The following KLF8 variants were observed in gnomAD, a reference collection of about 807,000 sequenced individuals.
KLF8 encodes Krueppel-like factor 8.
Under a neutral mutation model 18.2 loss-of-function variants are expected in KLF8, and 10 were observed. The ratio of observed to expected loss-of-function variants is 0.55; its 90% CI spans 0.34 to 0.93. The LOEUF (loss-of-function observed/expected upper bound fraction) is 0.93. Ranked by LOEUF, KLF8 falls within the 40% of genes least tolerant of loss-of-function variation. The pLI, the probability that KLF8 is intolerant of heterozygous loss-of-function variation, is 0.02. For missense variants in KLF8, 264 were observed against 277.9 expected (o/e 0.95, Z 0.36); for synonymous variants, 109 against 97.3 (o/e 1.12, Z -0.71).
the KLF8 span, among the ~76,000 whole-genome samples, chrX:56,101,126 T>A: frequency 1.8e-5 from 2 of 111,183 alleles, no homozygotes; most frequent in Non-Finnish European, 3.8e-5. Context: ...TCTCCCATAC[T>A]TTTTCCTCTA....
the KLF8 span, among the ~76,000 whole-genome samples, chrX:55,922,918 C>T: frequency 9.0e-5 from 10 of 111,679 alleles, no homozygotes; most frequent in East Asian, 2.8e-4. Flanking sequence ...GACAGTGTGG[C>T]GATTCCTCAA....
chrX:56,128,432 A>G, the KLF8 span, among the ~76,000 whole-genome samples: 2 of 111,952 alleles, frequency 1.8e-5, no homozygotes, highest in Non-Finnish European at 3.8e-5. Context: ...AATTGTGAAT[A>G]TATCCTTTCG....
At chrX:56,201,153 G>T in the KLF8 span, among the ~76,000 whole-genome samples, 1 of 111,901 alleles carries the variant, frequency 8.9e-6, no homozygotes, top group African/African-American at 3.2e-5. Context: ...AAGAGTATTT[G>T]TATTTCAATG....
intron 1 of KLF8, among the ~76,000 whole-genome samples, chrX:56,240,708 T>C (rs770175518): frequency 1.7e-4 from 19 of 111,482 alleles, no homozygotes; most frequent in Admixed American, 6.7e-4. Context: ...TATTTCAAAG[T>C]ACAGGGTAGT....
the KLF8 span, among the ~76,000 whole-genome samples, chrX:55,965,594 T>C: frequency 8.9e-6 from 1 of 112,078 alleles, no homozygotes; most frequent in South Asian, 3.7e-4. Flanking sequence ...GAAGTCAAAC[T>C]ATTTCTCTTC....
At chrX:56,022,920 A>G in the KLF8 span, among the ~76,000 whole-genome samples, 1 of 111,303 alleles carries the variant, frequency 9.0e-6, no homozygotes, top group Admixed American at 9.6e-5. Context: ...AAAATTATGT[A>G]TATATATATA....
At chrX:55,966,126 G>T in the KLF8 span, among the ~76,000 whole-genome samples, 1 of 112,520 alleles carries the variant, frequency 8.9e-6, no homozygotes. Flanking sequence ...GTAGAAAACA[G>T]TACCAGTTAG....
chrX:56,194,836 C>T, the KLF8 span, among the ~76,000 whole-genome samples: 1 of 112,009 alleles, frequency 8.9e-6, no homozygotes, highest in Non-Finnish European at 1.9e-5. Flanking sequence ...TAGGCAGCTA[C>T]CCCTCTGGGA....
At chrX:56,093,224 C>CA in the KLF8 span, among the ~76,000 whole-genome samples, 1 of 110,821 alleles carries the variant, frequency 9.0e-6, no homozygotes, top group Non-Finnish European at 1.9e-5. Flanking sequence ...GGATAAATAT[C>CA]AAAAAATCTA....
At chrX:56,003,914 T>C in the KLF8 span, among the ~76,000 whole-genome samples, 2 of 112,619 alleles carry the variant, frequency 1.8e-5, no homozygotes, top group Non-Finnish European at 3.7e-5. Flanking sequence ...TCTTATGTTA[T>C]TCACCAACTT....
At position 56,243,145 on chromosome X, in the gene KLF8, C is replaced by T. The variant is rs142032156; in HGVS notation, c.8-7086C>T. ...GTGTGCTGTTGTCTCCTATCTTCTT[C>T]ATGGCCGACACAGTGGTCAGCGGAA... On this transcript the variant is annotated intron_variant, in intron 1 of 5. Coordinates refer to ENST00000468660, the MANE Select transcript of KLF8 (RefSeq NM_007250.5). The T allele has an allele frequency of 1.9e-3, 988 of 518,388 alleles. 9 individuals carry two copies. The East Asian group carries it at 0.032, about 17-fold the overall frequency. 42.7% of individuals were successfully genotyped at this position (518,388 alleles called of 1,213,427 possible).
At chrX:56,171,324 T>A in the KLF8 span, among the ~76,000 whole-genome samples, 4 of 112,093 alleles carry the variant, frequency 3.6e-5, no homozygotes, top group Non-Finnish European at 7.5e-5. Context: ...TATTTTCTTT[T>A]TATGAAAACA....
At chrX:56,153,294 G>C in the KLF8 span, among the ~76,000 whole-genome samples, 6 of 109,976 alleles carry the variant, frequency 5.5e-5, no homozygotes, top group African/African-American at 9.9e-5. Context: ...TCCAGAGTTT[G>C]AAATGAGCTA....
chrX:56,233,027 T>C lies in KLF8; in HGVS notation c.-308T>C. On this transcript the variant is annotated 5_prime_UTR_variant, in exon 1 of 6. Transcript: ENST00000468660. ...AAGCTGCAGGGGGGAGGATTCTTTT[T>C]AGGAAGTCTACTCTGCCGGCCCCTG... The C allele has an allele frequency of 3.0e-6, 1 of 338,411 alleles. No individual in the cohort carries two copies. Among genetic ancestry groups the C allele is most frequent in the Non-Finnish European group, 5.3e-6 (1 of 190,405 alleles). 27.9% of individuals were successfully genotyped at this position (338,411 alleles called of 1,213,427 possible).
At chrX:56,142,853 GA>G in the KLF8 span, among the ~76,000 whole-genome samples, 2 of 111,779 alleles carry the variant, frequency 1.8e-5, no homozygotes, top group Non-Finnish European at 3.8e-5. Context: ...TCTGCCTTTG[GA>G]ACATGATCTC....
At chrX:56,040,241 G>T in the KLF8 span, among the ~76,000 whole-genome samples, 1 of 111,223 alleles carries the variant, frequency 9.0e-6, no homozygotes, top group Non-Finnish European at 1.9e-5. Context: ...GATTGCTCTG[G>T]CCAGAACTTC....
At chrX:55,961,772 G>A in the KLF8 span, 2 of 316,753 alleles carry the variant, frequency 6.3e-6, no homozygotes, top group South Asian at 7.2e-5. Context: ...GACTTCACAG[G>A]TCGTATGGAG....
At chrX:55,962,512 CT>C in the KLF8 span, 1 of 187,727 alleles carries the variant, frequency 5.3e-6, no homozygotes, top group Non-Finnish European at 1.0e-5. Flanking sequence ...CAGAAACAAC[CT>C]TTCTGTCTTC....
At chrX:56,021,066 C>T in the KLF8 span, among the ~76,000 whole-genome samples, 7 of 112,449 alleles carry the variant, frequency 6.2e-5, no homozygotes, top group African/African-American at 1.9e-4. Context: ...ATGCACAGCT[C>T]AGCAAGTTTT....
Sources: gnomAD v4.1 joint callset for allele counts (sites outside exome capture counted in the v4.1 genomes callset) on GRCh38, gnomAD v4.1.1 for gene constraint, MANE v1.5 for transcripts, NCBI Gene and HGNC (gene_info 2026-07-23, HGNC 2026-07-21) for gene names.